Variants in FHIT observed in about 807,000 individuals in gnomAD.
FHIT encodes fragile histidine triad diadenosine triphosphatase, also known as bis(5'-adenosyl)-triphosphatase.
Under a neutral mutation model 17.9 loss-of-function variants are expected in FHIT, and 19 were observed. The ratio of observed to expected loss-of-function variants is 1.06; its 90% CI spans 0.74 to 1.56. FHIT has a LOEUF of 1.56. FHIT is among the 40% of genes most tolerant of loss of function. The pLI is 0.00. For missense variants in FHIT, 248 were observed against 189.2 expected (o/e 1.31, Z -1.82); for synonymous variants, 81 against 69.7 (o/e 1.16, Z -0.81).
intron 1 of FHIT, among the ~76,000 whole-genome samples, chr3:61,228,321 C>G (rs2040019196): frequency 6.6e-6 from 1 of 152,194 alleles, no homozygotes; most frequent in African/African-American, 2.4e-5. Context: ...GGGCGGGATA[C>G]TGAGACCAAG....
chr3:59,996,357 T>C (rs374417168), intron 7 of FHIT, among the ~76,000 whole-genome samples: 2 of 152,106 alleles, frequency 1.3e-5, no homozygotes, highest in South Asian at 4.2e-4. Flanking sequence ...ACCCCATCAA[T>C]TTAGGCAAAA....
chr3:60,552,349 A>C (rs541485714), intron 4 of FHIT, among the ~76,000 whole-genome samples: 52 of 152,334 alleles, frequency 3.4e-4, no homozygotes, highest in Admixed American at 2.2e-3. Flanking sequence ...CCTAAGAGTG[A>C]AACTGCTGGA....
chr3:60,587,999 C>T (rs2037961246), intron 4 of FHIT, among the ~76,000 whole-genome samples: 1 of 151,868 alleles, frequency 6.6e-6, no homozygotes, highest in African/African-American at 2.4e-5. Context: ...ATGCCTTTTC[C>T]CTAGCTATTA....
At chr3:60,169,748 T>A (rs1322107258) in intron 5 of FHIT, among the ~76,000 whole-genome samples, 17 of 152,136 alleles carry the variant, frequency 1.1e-4, no homozygotes. Flanking sequence ...CTGGTGACAT[T>A]CCGCAGAAAT....
At chr3:60,836,037 C>T (rs1416170261) in intron 3 of FHIT, among the ~76,000 whole-genome samples, 1 of 152,142 alleles carries the variant, frequency 6.6e-6, no homozygotes, top group Admixed American at 6.5e-5. Flanking sequence ...ATCTGTATGC[C>T]TTTCATTTCC....
intron 4 of FHIT, among the ~76,000 whole-genome samples, chr3:60,737,804 AC>A (rs2042163699): frequency 6.6e-6 from 1 of 152,216 alleles, no homozygotes; most frequent in South Asian, 2.1e-4. Flanking sequence ...GGGTTACATC[AC>A]AATGGAATGT....
intron 5 of FHIT, among the ~76,000 whole-genome samples, chr3:60,489,752 G>A (rs2033986291): frequency 1.3e-5 from 2 of 152,124 alleles, no homozygotes; most frequent in Admixed American, 1.3e-4. Context: ...GTTTCATTAG[G>A]CTCACCCTAA....
At chr3:60,652,372 A>AG (rs782262848) in intron 4 of FHIT, among the ~76,000 whole-genome samples, 5 of 151,826 alleles carry the variant, frequency 3.3e-5, no homozygotes, top group Admixed American at 1.3e-4. Context: ...AGGCCAAGGC[A>AG]GGGGGGATCA....
chr3:61,199,369 A>T (rs1560064293), intron 2 of FHIT, among the ~76,000 whole-genome samples: 1 of 152,200 alleles, frequency 6.6e-6, no homozygotes. Flanking sequence ...TTATTCCAAG[A>T]TGTGGCTCAA....
intron 4 of FHIT, among the ~76,000 whole-genome samples, chr3:60,656,693 A>G (rs1049478682): frequency 2.6e-5 from 4 of 152,198 alleles, no homozygotes; most frequent in Non-Finnish European, 5.9e-5. Context: ...ATGCTTGTAG[A>G]TCCCTTTGAT....
intron 7 of FHIT, among the ~76,000 whole-genome samples, chr3:60,004,458 G>A (rs1362274547): frequency 6.6e-6 from 1 of 152,088 alleles, no homozygotes; most frequent in Non-Finnish European, 1.5e-5. Context: ...CAGCAATAAA[G>A]CAGCATTTAG....
chr3:60,572,868 G>A (rs538494337), intron 4 of FHIT, among the ~76,000 whole-genome samples: 1 of 152,270 alleles, frequency 6.6e-6, no homozygotes, highest in South Asian at 2.1e-4. Context: ...AACTCGCAGA[G>A]TTCTTTAATC....
chr3:60,629,378 C>T (rs1349657674), intron 4 of FHIT, among the ~76,000 whole-genome samples: 1 of 152,088 alleles, frequency 6.6e-6, no homozygotes, highest in Non-Finnish European at 1.5e-5. Flanking sequence ...TTGTCATATT[C>T]CATTACAATA....
chr3:61,027,735 A>G (rs1308022847), intron 3 of FHIT, among the ~76,000 whole-genome samples: 1 of 152,190 alleles, frequency 6.6e-6, no homozygotes, highest in Non-Finnish European at 1.5e-5. Flanking sequence ...ATCAGTTGCA[A>G]ACATAGACTG....
At chr3:60,148,085 G>A (rs1700315040) in intron 5 of FHIT, among the ~76,000 whole-genome samples, 1 of 152,188 alleles carries the variant, frequency 6.6e-6, no homozygotes, top group African/African-American at 2.4e-5. Flanking sequence ...AGACTAAGAG[G>A]AGGGTCCCAA....
intron 4 of FHIT, among the ~76,000 whole-genome samples, chr3:60,700,730 A>G (rs2107907996): frequency 6.6e-6 from 1 of 152,304 alleles, no homozygotes; most frequent in South Asian, 2.1e-4. Flanking sequence ...AAGCATGGAT[A>G]TTATCAATAT....
At chr3:61,182,599 C>G (rs1276057856) in intron 2 of FHIT, among the ~76,000 whole-genome samples, 2 of 152,114 alleles carry the variant, frequency 1.3e-5, no homozygotes, top group East Asian at 3.8e-4. Context: ...CTGTAACAAA[C>G]TGGTTTAAAT....
intron 7 of FHIT, among the ~76,000 whole-genome samples, chr3:60,004,098 T>C (rs1156495942): frequency 6.6e-6 from 1 of 152,136 alleles, no homozygotes; most frequent in East Asian, 1.9e-4. Context: ...CCGGCCTTAC[T>C]ACATCAACAA....
intron 4 of FHIT, among the ~76,000 whole-genome samples, chr3:60,737,726 G>T (rs527435159): frequency 1.3e-5 from 2 of 152,282 alleles, no homozygotes; most frequent in African/African-American, 2.4e-5. Context: ...AACCTTAAAT[G>T]TGGGGGAGAA....
Sources: allele counts gnomAD v4.1 joint callset (sites outside exome capture counted in the v4.1 genomes callset), GRCh38; gene constraint gnomAD v4.1.1; transcripts MANE v1.5; gene names NCBI Gene and HGNC (gene_info 2026-07-23, HGNC 2026-07-21).